FBLN2: variants seen among roughly 807,000 people sequenced by gnomAD.
The protein encoded by FBLN2 is fibulin-2.
Under a neutral mutation model 123.7 loss-of-function variants are expected in FBLN2, and 81 were observed. That is an observed-to-expected ratio of 0.65 (90% CI 0.55 to 0.79). The LOEUF (loss-of-function observed/expected upper bound fraction) is 0.79. Among genes scored for constraint, FBLN2 ranks in the 30% least tolerant of loss-of-function variants. The pLI is 0.00. For missense variants in FBLN2, 1,603 were observed against 1,681.3 expected, an observed-to-expected ratio of 0.95 and a Z score of 0.81; for synonymous variants, 699 against 701.4, an observed-to-expected ratio of 1.00 and a Z score of 0.05.
intron 2 of FBLN2, among the ~76,000 whole-genome samples, chr3:13,590,885 G>A (rs201303070): frequency 4.6e-5 from 7 of 152,354 alleles, no homozygotes; most frequent in East Asian, 1.9e-4. Flanking sequence ...TCTCGTCTGC[G>A]TCTTTGGAAG....
intron 2 of FBLN2, among the ~76,000 whole-genome samples, chr3:13,604,013 C>T (rs1473035503): frequency 6.6e-6 from 1 of 152,136 alleles, no homozygotes; most frequent in East Asian, 1.9e-4. Context: ...TTTCATGTGT[C>T]TGTTGGCTGC....
chr3:13,562,531 A>G (rs1423337297), intron 1 of FBLN2, among the ~76,000 whole-genome samples: 2 of 151,878 alleles, frequency 1.3e-5, no homozygotes, highest in Non-Finnish European at 2.9e-5. Flanking sequence ...AAATTTTTGT[A>G]TTTTTAATAG....
At position 13,637,714 on chromosome 3, in the gene FBLN2, T is replaced by C. The variant is rs1050534866; in HGVS notation, c.3491T>C (p.Ile1164Thr). 6.2e-7 allele frequency: 1 copy of C among 1,614,008 alleles called. No homozygotes were observed. Among genetic ancestry groups the C allele is most frequent in the Non-Finnish European group, 8.5e-7 (1 of 1,179,864 alleles). ...GCGCCAGCCTTCACGGGGGACACCA[T>C]CGCCCTGAACATCATCAAGGGCAAT... ...GPAPAFTGDT[I>T]ALNIIKGNEE... Residue 1164 changes from isoleucine to threonine, a missense_variant, in exon 18 of 18, where the codon ATC (isoleucine) becomes ACC (threonine). By Grantham distance (89) the Ile-to-Thr change is moderately conservative. Coordinates refer to ENST00000404922, the MANE Select transcript of FBLN2 (RefSeq NM_001004019.2).
intron 2 of FBLN2, among the ~76,000 whole-genome samples, chr3:13,585,180 T>G (rs1393963198): frequency 6.6e-6 from 1 of 152,184 alleles, no homozygotes; most frequent in African/African-American, 2.4e-5. Flanking sequence ...GCTCTCTGGC[T>G]TCCTGGCTTT....
intron 2 of FBLN2, among the ~76,000 whole-genome samples, chr3:13,602,910 C>CTTTTTTTTTT (rs199820446): frequency 6.8e-6 from 1 of 148,054 alleles, no homozygotes; most frequent in Non-Finnish European, 1.5e-5. Context: ...TTCTTTCTTT[C>CTTTTTTTTTT]TTTCTTTTTT....
rs769041872 is a variant in FBLN2 at position 13,613,998 on chromosome 3, C to G, written c.1563C>G (p.Cys521Trp). The G allele has an allele frequency of 3.0e-5, 49 of 1,612,294 alleles. No individual in the cohort carries two copies. The highest frequency in any genetic ancestry group is 4.2e-5 in the Non-Finnish European group (49 of 1,179,762). ...GISLYKQCCD[C>W]CGLGLRVRAE... Reference sequence around the variant, plus strand: ...TCTCCCTGCAGCAATGCTGTGACTGCTGTGGCCTGGGCCTCCGCGTGCGGG... The same window carrying G: ...TCTCCCTGCAGCAATGCTGTGACTGGTGTGGCCTGGGCCTCCGCGTGCGGG... The change falls in exon 5 of 18, where the codon TGC (cysteine) becomes TGG (tryptophan). Residue 521 changes from cysteine (C) to tryptophan (W), a missense_variant. Coordinates refer to ENST00000404922, the MANE Select transcript of FBLN2 (RefSeq NM_001004019.2).
At chr3:13,582,421 C>G (rs898406915) in intron 2 of FBLN2, among the ~76,000 whole-genome samples, 9 of 152,202 alleles carry the variant, frequency 5.9e-5, no homozygotes, top group African/African-American at 2.2e-4. Context: ...CTAGGCCAGG[C>G]TGTGGGCCTC....
chr3:13,592,111 C>T (rs1417853089), intron 2 of FBLN2, among the ~76,000 whole-genome samples: 1 of 151,568 alleles, frequency 6.6e-6, no homozygotes, highest in East Asian at 1.9e-4. Flanking sequence ...CAACCTCCAC[C>T]TCCTGTGTTC....
intron 5 of FBLN2, among the ~76,000 whole-genome samples, chr3:13,617,171 C>CATCT (rs1553621520): frequency 3.3e-5 from 5 of 151,538 alleles, no homozygotes; most frequent in African/African-American, 7.3e-5. Context: ...TCCATCCATC[C>CATCT]ATCCATCTAT....
intron 6 of FBLN2, among the ~76,000 whole-genome samples, chr3:13,618,654 ACT>A (rs1202778152): frequency 6.6e-6 from 1 of 151,028 alleles, no homozygotes; most frequent in Non-Finnish European, 1.5e-5. Context: ...TAATCCAGAC[ACT>A]CTTTTTCCTT....
intron 1 of FBLN2, among the ~76,000 whole-genome samples, chr3:13,553,305 G>A (rs1305371534): frequency 3.3e-5 from 5 of 152,214 alleles, no homozygotes; most frequent in Non-Finnish European, 7.3e-5. Flanking sequence ...CCCAGGTGTA[G>A]GAGTGGGCCT....
At position 13,570,877 on chromosome 3, in the gene FBLN2, C is replaced by A. The variant is rs1381856604; in HGVS notation, c.522C>A (p.Leu174=). Residue 174 remains leucine, a synonymous_variant, in exon 2 of 18, where the codon CTC becomes CTA. Transcript: ENST00000404922. The stretch of plus-strand genomic sequence containing the variant: ...GTGGAGAGCTCATCTGCTACCAGCT[C>A]CCCGGTTGCCACGGGAACTTCTCAG... ...DAGGELICYQ[L]PGCHGNFSDA... is the part of the protein sequence containing the mutation. The A allele has an allele frequency of 1.2e-6, 2 of 1,611,476 alleles. No individual in the cohort carries two copies. Among genetic ancestry groups the A allele is most frequent in the African/African-American group, 2.7e-5 (2 of 74,898 alleles).
At chr3:13,593,809 G>A (rs964757858) in intron 2 of FBLN2, among the ~76,000 whole-genome samples, 27 of 151,726 alleles carry the variant, frequency 1.8e-4, no homozygotes, top group African/African-American at 6.1e-4. Context: ...TCCCCAGCAC[G>A]GGCGGCTGAA....
intron 2 of FBLN2, among the ~76,000 whole-genome samples, chr3:13,587,869 A>G (rs751029547): frequency 6.6e-6 from 1 of 152,134 alleles, no homozygotes; most frequent in Non-Finnish European, 1.5e-5. Context: ...GGCACCCCCC[A>G]ATCTTGCTTT....
intron 5 of FBLN2, among the ~76,000 whole-genome samples, chr3:13,616,181 T>C (rs1289192506): frequency 6.6e-6 from 1 of 152,180 alleles, no homozygotes; most frequent in African/African-American, 2.4e-5. Context: ...AAGGAAGTGC[T>C]ACTTGCTGAG....
intron 2 of FBLN2, among the ~76,000 whole-genome samples, chr3:13,602,572 T>A (rs1705067934): frequency 6.6e-6 from 1 of 152,312 alleles, no homozygotes; most frequent in East Asian, 1.9e-4. Flanking sequence ...GAATAAAGTG[T>A]ATGTTATACC....
At chr3:13,569,731 A>G (rs1317916405) in intron 1 of FBLN2, among the ~76,000 whole-genome samples, 1 of 151,888 alleles carries the variant, frequency 6.6e-6, no homozygotes, top group Non-Finnish European at 1.5e-5. Flanking sequence ...GTTCTTGCCT[A>G]GCATTTCCCC....
chr3:13,549,309 C>T (rs1182645654), intron 1 of FBLN2, 101 bp downstream of exon 1: 2 of 780,126 alleles, frequency 2.6e-6, no homozygotes, highest in South Asian at 5.8e-5. Flanking sequence ...GCTCGGCGGA[C>T]CCTCGGACGC....
At position 13,614,005 on chromosome 3, in the gene FBLN2, C is replaced by A; in HGVS notation, c.1570C>A (p.Leu524Met). The part of the protein sequence containing the change: ...LYKQCCDCCG[L>M]GLRVRAEGQS... ...GCAGCAATGCTGTGACTGCTGTGGCCTGGGCCTCCGCGTGCGGGCCGAGGG... is the reference window on the plus strand; with the variant it reads ...GCAGCAATGCTGTGACTGCTGTGGCATGGGCCTCCGCGTGCGGGCCGAGGG... The change falls in exon 5 of 18, where the codon CTG (leucine) becomes ATG (methionine). Residue 524 changes from leucine to methionine, a missense_variant. By Grantham distance (15) the Leu-to-Met change is conservative (BLOSUM62 2). Transcript: ENST00000404922. 6.2e-7 allele frequency: 1 copy of A among 1,612,832 alleles called. No homozygotes were observed. The highest frequency in any genetic ancestry group is 2.2e-5 in the East Asian group (1 of 44,884).
Sources: gnomAD v4.1 joint callset for allele counts (sites outside exome capture counted in the v4.1 genomes callset) on GRCh38, gnomAD v4.1.1 for gene constraint, MANE v1.5 for transcripts, NCBI Gene and HGNC (gene_info 2026-07-23, HGNC 2026-07-21) for gene names.